C11orf54: variants seen among roughly 807,000 people sequenced by gnomAD.
C11orf54 encodes beta-keto L-gulonate decarboxylase.
A neutral mutation model predicts 35.5 loss-of-function variants in C11orf54; 29 were observed. The ratio of observed to expected loss-of-function variants is 0.82; its 90% CI spans 0.61 to 1.11. The LOEUF (loss-of-function observed/expected upper bound fraction) is 1.11, where lower values mean the gene tolerates loss of function less well. Ranked by LOEUF, C11orf54 falls within the 50% of genes most tolerant of loss-of-function variation. C11orf54 has a pLI of 0.00. For missense variants in C11orf54, 373 were observed against 369.2 expected (o/e 1.01, Z -0.08); for synonymous variants, 108 against 121.1 (o/e 0.89, Z 0.71).
chr11:93,749,434 C>G (rs1201505248), intron 2 of C11orf54, among the ~76,000 whole-genome samples: 1 of 137,574 alleles, frequency 7.3e-6, no homozygotes, highest in Non-Finnish European at 1.5e-5. Context: ...GAGCCAAGAT[C>G]ATGCTGCATA....
chr11:93,755,081 GT>G, intron 5 of C11orf54, 128 bp from the exon 6 acceptor site: 1 of 938,860 alleles, frequency 1.1e-6, no homozygotes, highest in Non-Finnish European at 1.5e-6. Flanking sequence ...TAAATATTAT[GT>G]ATTTTATGTT....
At chr11:93,751,039 G>A (rs959816389) in intron 3 of C11orf54, among the ~76,000 whole-genome samples, 8 of 152,174 alleles carry the variant, frequency 5.3e-5, no homozygotes, top group African/African-American at 1.4e-4. Context: ...TAAGCTCAGT[G>A]TAAATCATAA....
intron 1 of C11orf54, chr11:93,746,986 T>TA (rs538036584): frequency 0.035 from 5,302 of 151,052 alleles, 321 homozygotes; most frequent in African/African-American, 0.12. Context: ...ATATGATATT[T>TA]AAAAAAAAAA....
intron 1 of C11orf54, among the ~76,000 whole-genome samples, chr11:93,743,316 CTG>C (rs1398357823): frequency 6.6e-6 from 1 of 151,600 alleles, no homozygotes; most frequent in Non-Finnish European, 1.5e-5. Context: ...TGGTATTTCT[CTG>C]TTTGTGTTAT....
intron 3 of C11orf54, among the ~76,000 whole-genome samples, chr11:93,751,909 C>T (rs1222390128): frequency 7.2e-6 from 1 of 138,588 alleles, no homozygotes; most frequent in African/African-American, 2.7e-5. Context: ...TACAGTGGCA[C>T]AATCTTGGCT....
rs71064778 is a variant in C11orf54 at position 93,751,399 on chromosome 11, G to GTTTT, written c.154+976_154+979dup. On this transcript the variant is annotated intron_variant, in intron 3 of 8. Transcript: ENST00000354421. ...GGATTTAGCATAGTACTTTTTTATAGTTTTTTTTTTTTTTTTTTTTTTTTG... is the reference window on the plus strand; with the variant it reads ...GGATTTAGCATAGTACTTTTTTATAGTTTTTTTTTTTTTTTTTTTTTTTTTTTTG... Among the ~76,000 whole-genome samples the GTTTT allele has an allele frequency of 2.9e-4, 22 of 74,690 alleles. 1 individual carries two copies. The highest frequency in any genetic ancestry group is 1.1e-3 in the African/African-American group (21 of 18,934). The allele number at this position is 74,690 out of a possible 152,430, so 49.0% of individuals were successfully genotyped here. A position where few individuals can be genotyped will look rare whatever the true frequency, so the allele number is the denominator to read the frequency against.
chr11:93,749,309 C>A (rs1020226297), intron 2 of C11orf54, among the ~76,000 whole-genome samples: 1 of 151,820 alleles, frequency 6.6e-6, no homozygotes, highest in African/African-American at 2.4e-5. Context: ...AGCCAAAACC[C>A]CATTTTTACA....
intron 5 of C11orf54, 23 bp downstream of exon 5, chr11:93,754,060 T>C (rs913540786): frequency 1.3e-6 from 2 of 1,580,034 alleles, no homozygotes; most frequent in Admixed American, 1.8e-5. Flanking sequence ...AAGAAAATTA[T>C]TTTACTTTAT....
chr11:93,750,299 C>A lies in C11orf54; in HGVS notation c.56-47C>A, dbSNP rs193292406. On this transcript the variant is annotated intron_variant, in intron 2 of 8. Transcript: ENST00000354421. ...CATACCACTTTTGATACGTGGTAGC[C>A]AAGTTTTTACCTAATGTTAAATAAT... 9.3e-5 allele frequency: 142 copies of A among 1,531,330 alleles called. No individual in the cohort carries two copies. In the African/African-American group the frequency reaches 1.8e-3, roughly 19 times the overall value. The allele number at this position is 1,531,330 out of a possible 1,614,324, so 94.9% of individuals were successfully genotyped here.
intron 2 of C11orf54, among the ~76,000 whole-genome samples, chr11:93,748,599 G>A (rs1029344552): frequency 6.6e-6 from 1 of 152,168 alleles, no homozygotes; most frequent in Non-Finnish European, 1.5e-5. Context: ...ACTTTAGGAG[G>A]CCAAGGTGGA....
intron 3 of C11orf54, 90 bp from the exon 4 acceptor site, chr11:93,753,591 GA>G (rs1259242046): frequency 1.4e-5 from 15 of 1,070,252 alleles, no homozygotes; most frequent in Non-Finnish European, 2.1e-5. Flanking sequence ...TGATAATGGA[GA>G]AGTTATATAC....
chr11:93,756,153 CAAGACTCTGTCTCCAAAAAAAAAAAAA>C lies in C11orf54; in HGVS notation c.507+770_507+796del, dbSNP rs1366043383. On this transcript the variant is annotated intron_variant, in intron 6 of 8. Coordinates refer to ENST00000354421, the MANE Select transcript of C11orf54 (RefSeq NM_001286069.2). ...TTGCACTCCAGCCTGGGCAACAAAG[CAAGACTCTGTCTCCAAAAAAAAAAAAA>C]AAAAAAAAAAGAATAGTATGGCTGG... Among the ~76,000 whole-genome samples the C allele has an allele frequency of 1.2e-4, 12 of 97,084 alleles. No homozygotes were observed. In the East Asian group the frequency reaches 3.3e-3, roughly 27 times the overall value. The allele number at this position is 97,084 out of a possible 152,430, so 63.7% of individuals were successfully genotyped here. A position where few individuals can be genotyped will look rare whatever the true frequency, so the allele number is the denominator to read the frequency against.
At position 93,753,381 on chromosome 11, in the gene C11orf54, C is replaced by T. The variant is rs117158790; in HGVS notation, c.155-301C>T. On this transcript the variant is annotated intron_variant, in intron 3 of 8. Coordinates refer to ENST00000354421, the MANE Select transcript of C11orf54 (RefSeq NM_001286069.2). ...ATAGATTTTTTTTAAAGAAATAAGG[C>T]GTCAAAGACATTCTAGAAACCTTAC... 1.7e-3 allele frequency among the ~76,000 whole-genome samples: 261 copies of T among 152,162 alleles called. 1 individual carries two copies. The highest frequency in any genetic ancestry group is 1.9e-3 in the Non-Finnish European group (131 of 68,002).
chr11:93,746,868 A>G (rs1273084378), intron 1 of C11orf54: 1 of 152,316 alleles, frequency 6.6e-6, no homozygotes, highest in African/African-American at 2.4e-5. Flanking sequence ...ATGTACTGTT[A>G]TCTACAACCA....
At position 93,743,054 on chromosome 11, in the gene C11orf54, A is replaced by G. The variant is rs148047730; in HGVS notation, c.-98+1326A>G. 6.3e-3 allele frequency among the ~76,000 whole-genome samples: 957 copies of G among 150,896 alleles called. 14 individuals are homozygous for G. Among genetic ancestry groups the G allele is most frequent in the African/African-American group, 0.022 (895 of 40,982 alleles). ...CGCTCTGTCGCCCAGGCTGGAGTGC[A>G]GTGTGGCCCGATCTCAGCTCACTGC... On this transcript the variant is annotated intron_variant, in intron 1 of 8. Transcript: ENST00000354421.
intron 1 of C11orf54, among the ~76,000 whole-genome samples, chr11:93,742,403 T>C (rs1942148960): frequency 6.6e-6 from 1 of 151,786 alleles, no homozygotes; most frequent in African/African-American, 2.4e-5. Context: ...CCTGCCTCAG[T>C]CTCCCCAGTA....
intron 8 of C11orf54, among the ~76,000 whole-genome samples, chr11:93,760,654 A>G (rs991607983): frequency 6.6e-6 from 1 of 152,072 alleles, no homozygotes; most frequent in Non-Finnish European, 1.5e-5. Context: ...TATTGGTCAT[A>G]TCTTCTCTTT....
At position 93,762,925 on chromosome 11, in the gene C11orf54, C is replaced by G. The variant is rs192785174; in HGVS notation, c.*1237C>G. ...TCTAATGGTGCTAATGGCAATCTAG[C>G]TAATGTGCAAATTTAGGAAGTCTTC... On this transcript the variant is annotated 3_prime_UTR_variant, in exon 9 of 9. Transcript: ENST00000354421. The G allele has an allele frequency of 6.5e-4, 99 of 152,296 alleles. No individual in the cohort carries two copies. Among genetic ancestry groups the G allele is most frequent in the African/African-American group, 2.3e-3 (95 of 41,562 alleles). 9.4% of individuals were successfully genotyped at this position (152,296 alleles called of 1,614,324 possible).
chr11:93,759,764 C>T lies in C11orf54; in HGVS notation c.680C>T (p.Pro227Leu). 1.2e-6 allele frequency: 2 copies of T among 1,605,198 alleles called. No individual in the cohort carries two copies. Among genetic ancestry groups the T allele is most frequent in the Admixed American group, 1.7e-5 (1 of 59,872 alleles). ...TAGCCTGCAGAATTTTCTTCCTGCCCCTTGAACTCTGATGAAGAAGTGAAT... is the reference window on the plus strand; with the variant it reads ...TAGCCTGCAGAATTTTCTTCCTGCCTCTTGAACTCTGATGAAGAAGTGAAT... The part of the protein sequence containing the change: ...HIMPAEFSSC[P>L]LNSDEEVNKW... The change falls in exon 8 of 9, where the codon CCC becomes CTC. Residue 227 changes from proline to leucine, a missense_variant. Physicochemically the swap from Pro to Leu is moderately conservative, Grantham distance 98. Transcript: ENST00000354421.
Sources: allele counts gnomAD v4.1 joint callset (sites outside exome capture counted in the v4.1 genomes callset), GRCh38; gene constraint gnomAD v4.1.1; transcripts MANE v1.5; gene names NCBI Gene and HGNC (gene_info 2026-07-23, HGNC 2026-07-21).